WAPL: variants seen among roughly 807,000 people sequenced by gnomAD.
WAPL encodes wings apart-like protein homolog.
WAPL carries 5 observed loss-of-function variants against 121.0 expected under a neutral mutation model. That is an observed-to-expected ratio of 0.04 (90% CI 0.02 to 0.09). The LOEUF is 0.09. Among genes scored for constraint, WAPL ranks in the 10% least tolerant of loss-of-function variants. WAPL has a pLI of 1.00. For missense variants in WAPL, 999 were observed against 1,410.8 expected, an observed-to-expected ratio of 0.71 and a Z score of 4.68; for synonymous variants, 480 against 481.5, an observed-to-expected ratio of 1.00 and a Z score of 0.04.
At position 86,435,434 on chromosome 10, in the gene WAPL, C is replaced by G. The variant is rs1034691636; in HGVS notation, c.*2109G>C. 7 of 152,540 alleles carry G rather than the reference C, an allele frequency of 4.6e-5. No individual in the cohort carries two copies. The highest frequency in any genetic ancestry group is 1.7e-4 in the African/African-American group (7 of 41,420). 9.4% of individuals were successfully genotyped at this position (152,540 alleles called of 1,614,324 possible). On this transcript the variant is annotated 3_prime_UTR_variant, in exon 19 of 19. Transcript: ENST00000298767. ...GGATTCAGAAAAGTACTCTACTGTTCTAATTTCCAATTGGTAGTATTTACA... is the reference window on the plus strand; with the variant it reads ...GGATTCAGAAAAGTACTCTACTGTTGTAATTTCCAATTGGTAGTATTTACA...
In WAPL at chr10:86,518,001, G is replaced by C; in HGVS notation, c.69C>G (p.Val23=). The change falls in exon 2 of 19, where the codon GTC becomes GTG. Residue 23 remains valine (V), a synonymous_variant. Coordinates refer to ENST00000298767, the MANE Select transcript of WAPL (RefSeq NM_015045.5). ...GGNGSSKFDE[V]FSNKRTTLST... ...TAAGGGTAGTCCGTTTGTTGGAAAA[G>C]ACTTCATCGAATTTTGAACTGCCAT... 6.2e-7 allele frequency: 1 copy of C among 1,614,088 alleles called. No homozygotes were observed. The highest frequency in any genetic ancestry group is 8.5e-7 in the Non-Finnish European group (1 of 1,180,018).
intron 4 of WAPL, among the ~76,000 whole-genome samples, chr10:86,479,744 G>A (rs1841738930): frequency 6.6e-6 from 1 of 152,174 alleles, no homozygotes; most frequent in East Asian, 1.9e-4. Context: ...AATGAACTCT[G>A]AAGAAGTACT....
chr10:86,521,314 C>G (rs551367432), intron 1 of WAPL, 51 bp downstream of exon 1: 76 of 255,438 alleles, frequency 3.0e-4, no homozygotes, highest in South Asian at 2.6e-3. Context: ...CTGCCTCCCC[C>G]ACCCTCCCGG....
chr10:86,469,473 C>T (rs1841484297), intron 8 of WAPL, among the ~76,000 whole-genome samples: 1 of 151,632 alleles, frequency 6.6e-6, no homozygotes, highest in Non-Finnish European at 1.5e-5. Flanking sequence ...AGGCTGGTCT[C>T]GAACTCCTAA....
chr10:86,483,786 T>A (rs79316840), intron 4 of WAPL, among the ~76,000 whole-genome samples: 1 of 108,648 alleles, frequency 9.2e-6, no homozygotes, highest in African/African-American at 3.6e-5. Flanking sequence ...AAAAAAAAAT[T>A]TTTTTTTCTT....
At chr10:86,504,518 A>G (rs1365821532) in intron 2 of WAPL, among the ~76,000 whole-genome samples, 1 of 145,732 alleles carries the variant, frequency 6.9e-6, no homozygotes, top group African/African-American at 2.6e-5. Context: ...CTACTAAAAA[A>G]TACAAAAAAT....
At chr10:86,452,826 G>A (rs2132173425) in intron 14 of WAPL, among the ~76,000 whole-genome samples, 1 of 151,596 alleles carries the variant, frequency 6.6e-6, no homozygotes, top group Non-Finnish European at 1.5e-5. Flanking sequence ...GATCACTTGA[G>A]GCCAGGAGTT....
Position 86,467,974 on chromosome 10 carries a change from G to A in WAPL, c.2143-468C>T, listed in dbSNP as rs138301429. Among the ~76,000 whole-genome samples the A allele has an allele frequency of 4.7e-3, 703 of 150,330 alleles. 9 individuals are homozygous for A. Among genetic ancestry groups the A allele is most frequent in the African/African-American group, 0.016 (667 of 40,966 alleles). On this transcript the variant is annotated intron_variant, in intron 8 of 18. Transcript: ENST00000298767. ...ATAACAGGTGTGAGCCACCACGCCCGGCCCCTCTCTAAAAATATTCTGAAG... is the reference window on the plus strand; with the variant it reads ...ATAACAGGTGTGAGCCACCACGCCCAGCCCCTCTCTAAAAATATTCTGAAG...
intron 11 of WAPL, among the ~76,000 whole-genome samples, chr10:86,459,673 C>T (rs1411871207): frequency 3.3e-5 from 5 of 152,216 alleles, no homozygotes; most frequent in African/African-American, 7.2e-5. Context: ...AATATTATGA[C>T]AGGCCATGCC....
intron 4 of WAPL, among the ~76,000 whole-genome samples, chr10:86,477,091 T>C (rs1203665173): frequency 6.6e-6 from 1 of 152,356 alleles, no homozygotes; most frequent in South Asian, 2.1e-4. Flanking sequence ...ACAAGATTAA[T>C]ATAGGGTTTA....
chr10:86,467,890 G>C (rs1841437500), intron 8 of WAPL, among the ~76,000 whole-genome samples: 1 of 151,940 alleles, frequency 6.6e-6, no homozygotes. Context: ...GTGTTAGCCA[G>C]GATGGTCTCG....
At chr10:86,503,224 C>CT (rs1265211108) in intron 2 of WAPL, among the ~76,000 whole-genome samples, 1 of 151,958 alleles carries the variant, frequency 6.6e-6, no homozygotes, top group Non-Finnish European at 1.5e-5. Context: ...AATCCCAGCA[C>CT]TTTGGGAGGC....
At chr10:86,469,029 G>A (rs186364730) in intron 8 of WAPL, among the ~76,000 whole-genome samples, 17 of 152,032 alleles carry the variant, frequency 1.1e-4, no homozygotes, top group East Asian at 3.9e-4. Flanking sequence ...GCTTGAACCC[G>A]GGAGGCAGAG....
chr10:86,510,491 C>A (rs11817847), intron 2 of WAPL, among the ~76,000 whole-genome samples: 1 of 152,110 alleles, frequency 6.6e-6, no homozygotes, highest in African/African-American at 2.4e-5. Context: ...CAGCAGAAGT[C>A]AGTAACTCTA....
chr10:86,443,565 T>A, intron 16 of WAPL: 1 of 481,960 alleles, frequency 2.1e-6, no homozygotes, highest in Non-Finnish European at 3.7e-6. Context: ...CATAAAACTT[T>A]TAGTTAAAAT....
In WAPL at chr10:86,521,310, C is replaced by A. The variant is rs969021564; in HGVS notation, c.-23+55G>T. On this transcript the variant is annotated intron_variant, in intron 1 of 18. Transcript: ENST00000298767. ...CACCGCCCGCTCCCAGCCTCTGCCT[C>A]CCCCACCCTCCCGGCTCCCTCCCGG... 13 of 254,908 alleles carry A rather than the reference C, an allele frequency of 5.1e-5. No homozygotes were observed. The highest frequency in any genetic ancestry group is 8.4e-5 in the Non-Finnish European group (11 of 130,246). 15.8% of individuals were successfully genotyped at this position (254,908 alleles called of 1,614,324 possible). A position where few individuals can be genotyped will look rare whatever the true frequency, so the allele number is the denominator to read the frequency against.
intron 15 of WAPL, among the ~76,000 whole-genome samples, chr10:86,451,313 G>A (rs561682056): frequency 7.3e-5 from 11 of 150,700 alleles, no homozygotes; most frequent in East Asian, 1.9e-4. Flanking sequence ...TATAACAGTC[G>A]AAAAAAAATC....
intron 15 of WAPL, among the ~76,000 whole-genome samples, chr10:86,449,876 C>T (rs759638423): frequency 1.1e-4 from 16 of 152,142 alleles, no homozygotes; most frequent in Non-Finnish European, 1.8e-4. Context: ...GTACAGTGAG[C>T]AGCAAAAGGG....
rs10668599 is a variant in WAPL at position 86,457,327 on chromosome 10, T to TAAAAAAAAA, written c.2657+1653_2657+1661dup. ...CAACATAGCAAGACCCTGTATCTAT[T>TAAAAAAAAA]AAAAAAAAAAAAAAAAAAGAGAGTG... On this transcript the variant is annotated intron_variant, in intron 12 of 18. Transcript: ENST00000298767. Among the ~76,000 whole-genome samples, 520 of 111,136 alleles carry TAAAAAAAAA rather than the reference T, an allele frequency of 4.7e-3. 7 individuals are homozygous for TAAAAAAAAA. The highest frequency in any genetic ancestry group is 0.019 in the African/African-American group (487 of 26,124). The allele number at this position is 111,136 out of a possible 152,430, so 72.9% of individuals were successfully genotyped here.
Sources: allele counts gnomAD v4.1 joint callset (sites outside exome capture counted in the v4.1 genomes callset), GRCh38; gene constraint gnomAD v4.1.1; transcripts MANE v1.5; gene names NCBI Gene and HGNC (gene_info 2026-07-23, HGNC 2026-07-21).